Variants in DLG2 observed in about 807,000 individuals in gnomAD.
DLG2 encodes the protein discs large MAGUK scaffold protein 2, also known as disks large homolog 2.
DLG2 carries 45 observed loss-of-function variants against 132.5 expected under a neutral mutation model. That is an observed-to-expected ratio of 0.34 (90% confidence interval 0.27 to 0.44). The LOEUF is 0.44. DLG2 is among the 20% of genes least tolerant of loss of function. DLG2 has a pLI of 1.00. For synonymous variants in DLG2, 424 were observed against 419.6 expected, an observed-to-expected ratio of 1.01 and a Z score of -0.13; for missense variants, 1,045 against 1,196.9, an observed-to-expected ratio of 0.87 and a Z score of 1.87.
chr11:84,217,130 T>G (rs2096846214), intron 8 of DLG2, among the ~76,000 whole-genome samples: 1 of 152,222 alleles, frequency 6.6e-6, no homozygotes, highest in African/African-American at 2.4e-5. Context: ...ATGAACTTCT[T>G]TCCTTATTTC....
intron 6 of DLG2, among the ~76,000 whole-genome samples, chr11:85,107,067 T>C (rs527312466): frequency 6.6e-6 from 1 of 152,172 alleles, no homozygotes; most frequent in African/African-American, 2.4e-5. Context: ...AGTTGACATA[T>C]TCAGAATTCA....
At chr11:83,678,232 G>A (rs1273903567) in intron 18 of DLG2, among the ~76,000 whole-genome samples, 1 of 151,954 alleles carries the variant, frequency 6.6e-6, no homozygotes, top group African/African-American at 2.4e-5. Flanking sequence ...ATTTCTTTTG[G>A]GTTAATGGAG....
chr11:84,154,256 C>G (rs1295240146), intron 9 of DLG2, among the ~76,000 whole-genome samples: 2 of 152,180 alleles, frequency 1.3e-5, no homozygotes, highest in Non-Finnish European at 2.9e-5. Flanking sequence ...CCTCAGCCTC[C>G]CAAAGTGCTG....
intron 2 of DLG2, among the ~76,000 whole-genome samples, chr11:85,605,413 T>C (rs549728826): frequency 3.1e-4 from 47 of 152,372 alleles, no homozygotes; most frequent in African/African-American, 1.1e-3. Flanking sequence ...TAGGGTTAAA[T>C]GTTGAATCAC....
At chr11:85,031,500 T>C (rs1490807600) in intron 6 of DLG2, among the ~76,000 whole-genome samples, 3 of 152,174 alleles carry the variant, frequency 2.0e-5, no homozygotes, top group Non-Finnish European at 4.4e-5. Context: ...TTTTTCTACT[T>C]CTTTGCTTTT....
intron 2 of DLG2, among the ~76,000 whole-genome samples, chr11:85,612,522 T>C (rs971733156): frequency 1.3e-5 from 2 of 152,204 alleles, no homozygotes; most frequent in African/African-American, 4.8e-5. Context: ...ACTTACAGAA[T>C]CAGGAAGGAG....
At chr11:84,288,608 G>T (rs1012374744) in intron 7 of DLG2, among the ~76,000 whole-genome samples, 3 of 152,062 alleles carry the variant, frequency 2.0e-5, no homozygotes, top group Admixed American at 2.0e-4. Flanking sequence ...GATCTCCAGG[G>T]CTCATGAGAT....
chr11:85,300,794 GA>G (rs1202301768), intron 3 of DLG2, among the ~76,000 whole-genome samples: 3 of 152,176 alleles, frequency 2.0e-5, no homozygotes, highest in African/African-American at 7.2e-5. Context: ...ATTCAACTGA[GA>G]CAGAAGGATT....
chr11:85,085,531 TATAA>T (rs2067809576), intron 6 of DLG2, among the ~76,000 whole-genome samples: 1 of 152,054 alleles, frequency 6.6e-6, no homozygotes, highest in African/African-American at 2.4e-5. Context: ...CCATAATATT[TATAA>T]ATATTATATT....
chr11:83,632,244 C>T (rs2063687939), intron 19 of DLG2: 1 of 152,122 alleles, frequency 6.6e-6, no homozygotes, highest in South Asian at 2.1e-4. Flanking sequence ...GAACCAACAG[C>T]AAAAGTTCAA....
At chr11:83,967,089 T>A (rs1459051270) in intron 12 of DLG2, among the ~76,000 whole-genome samples, 1 of 152,112 alleles carries the variant, frequency 6.6e-6, no homozygotes, top group East Asian at 1.9e-4. Context: ...TAAGGCTGAA[T>A]ATTTCATTGT....
intron 11 of DLG2, among the ~76,000 whole-genome samples, chr11:83,984,930 T>G (rs955579781): frequency 1.3e-5 from 2 of 152,146 alleles, no homozygotes; most frequent in African/African-American, 4.8e-5. Flanking sequence ...AAAGATCTAT[T>G]TCTTTTATCT....
Position 85,198,036 on chromosome 11 carries a change from G to A in DLG2, c.187-43385C>T, listed in dbSNP as rs574153759. 1.1e-4 allele frequency among the ~76,000 whole-genome samples: 17 copies of A among 152,168 alleles called. No homozygotes were observed. In the South Asian group the frequency reaches 2.3e-3, roughly 20 times the overall value. ...ATGATAAATAACAGACGAACGACAT[G>A]CATTCTTCCTGTCGGGACCAAACTT... On this transcript the variant is annotated intron_variant, in intron 4 of 27. Transcript: ENST00000376104.
At chr11:84,427,260 G>A (rs2098969878) in intron 7 of DLG2, among the ~76,000 whole-genome samples, 1 of 151,984 alleles carries the variant, frequency 6.6e-6, no homozygotes, top group African/African-American at 2.4e-5. Flanking sequence ...GAGAGGGAGG[G>A]AGGAAAGAAA....
intron 11 of DLG2, among the ~76,000 whole-genome samples, chr11:84,022,072 A>T (rs1387521916): frequency 6.6e-6 from 1 of 152,130 alleles, no homozygotes; most frequent in Non-Finnish European, 1.5e-5. Flanking sequence ...TACTGAACAC[A>T]TCAGGAAAGA....
At chr11:84,897,011 C>A (rs1187605613) in intron 6 of DLG2, among the ~76,000 whole-genome samples, 1 of 151,758 alleles carries the variant, frequency 6.6e-6, no homozygotes, top group African/African-American at 2.4e-5. Flanking sequence ...ATGTACCAAC[C>A]AACCAGCTTA....
At chr11:83,870,144 G>T (rs961253541) in intron 16 of DLG2, among the ~76,000 whole-genome samples, 44 of 152,072 alleles carry the variant, frequency 2.9e-4, no homozygotes, top group African/African-American at 1.1e-3. Flanking sequence ...TAAAAAATTT[G>T]TATACATTTA....
intron 6 of DLG2, among the ~76,000 whole-genome samples, chr11:84,689,465 C>A: frequency 6.6e-6 from 1 of 151,800 alleles, no homozygotes; most frequent in African/African-American, 2.4e-5. Context: ...AGCTAGTGAG[C>A]CAGGGATAAT....
rs575977749 is a variant in DLG2, at chr11:84,601,242, C to T, written c.358-66511G>A. Among the ~76,000 whole-genome samples, 20 of 152,242 alleles carry T rather than the reference C, an allele frequency of 1.3e-4. No homozygotes were observed. The South Asian group carries it at 4.1e-3, about 32-fold the overall frequency. On this transcript the variant is annotated intron_variant, in intron 6 of 27. Coordinates refer to ENST00000376104, the MANE Select transcript of DLG2 (RefSeq NM_001142699.3). ...AGAATTGTTTTGAAACACACACACA[C>T]ACACGCACTCATGCACATACAGAGA...
Sources: allele counts gnomAD v4.1 joint callset (sites outside exome capture counted in the v4.1 genomes callset), GRCh38; gene constraint gnomAD v4.1.1; transcripts MANE v1.5; gene names NCBI Gene and HGNC (gene_info 2026-07-23, HGNC 2026-07-21).